Variants in SPAG17 observed in about 807,000 individuals in gnomAD.
SPAG17 encodes sperm associated antigen 17, also known as sperm-associated antigen 17.
In SPAG17, 169 loss-of-function variants were observed where a neutral mutation model predicts 273.6. That is an observed-to-expected ratio of 0.62 (90% CI 0.55 to 0.70). SPAG17 has a LOEUF of 0.70. SPAG17 is among the 30% of genes least tolerant of loss of function. The probability of loss-of-function intolerance (pLI) is 0.00; values close to 1 mark genes in which losing one functional copy is unlikely to be tolerated. For missense variants in SPAG17, 2,557 were observed against 2,627.8 expected (o/e 0.97, Z 0.59); for synonymous variants, 825 against 873.2 (o/e 0.94, Z 0.97).
At chr1:117,994,649 T>C in intron 34 of SPAG17, 119 bp from the exon 35 acceptor site, 1 of 998,094 alleles carries the variant, frequency 1.0e-6, no homozygotes, top group South Asian at 1.9e-5. Flanking sequence ...GAAAGACTAA[T>C]GAGACACAAT....
chr1:118,125,245 A>ATTTT (rs1553253449), intron 3 of SPAG17, among the ~76,000 whole-genome samples: 11 of 150,828 alleles, frequency 7.3e-5, no homozygotes, highest in African/African-American at 2.4e-4. Flanking sequence ...ATATATATAT[A>ATTTT]TTTTTGACAT....
intron 1 of SPAG17, among the ~76,000 whole-genome samples, chr1:118,161,334 T>C (rs1007712917): frequency 2.0e-5 from 3 of 152,010 alleles, no homozygotes; most frequent in South Asian, 4.1e-4. Flanking sequence ...AGACCTGTCA[T>C]AGGGTAAGGA....
intron 17 of SPAG17, among the ~76,000 whole-genome samples, 184 bp from the exon 18 acceptor site, chr1:118,067,083 T>C (rs1653057739): frequency 6.6e-6 from 1 of 152,152 alleles, no homozygotes; most frequent in South Asian, 2.1e-4. Flanking sequence ...GGTAGCTAGC[T>C]TGGGAAGCAT....
chr1:118,007,820 C>G (rs1388848223), intron 31 of SPAG17, among the ~76,000 whole-genome samples: 1 of 152,152 alleles, frequency 6.6e-6, no homozygotes, highest in Non-Finnish European at 1.5e-5. Context: ...TCCAAAACTA[C>G]CGAAGTTTTG....
At chr1:118,080,022 T>C (rs995363158) in intron 15 of SPAG17, among the ~76,000 whole-genome samples, 1 of 152,180 alleles carries the variant, frequency 6.6e-6, no homozygotes, top group Non-Finnish European at 1.5e-5. Flanking sequence ...TACATAATTA[T>C]AAAATTGAAA....
At chr1:118,174,814 T>C (rs1427820170) in intron 1 of SPAG17, among the ~76,000 whole-genome samples, 3 of 152,168 alleles carry the variant, frequency 2.0e-5, no homozygotes, top group East Asian at 3.9e-4. Flanking sequence ...GGATGATATA[T>C]TTAAAGTGCT....
chr1:118,081,689 C>T, intron 13 of SPAG17, 47 bp from the exon 14 acceptor site: 1 of 1,508,782 alleles, frequency 6.6e-7, no homozygotes, highest in Non-Finnish European at 9.2e-7. Flanking sequence ...CTTATTAGCA[C>T]ATGGTACAGG....
intron 3 of SPAG17, among the ~76,000 whole-genome samples, chr1:118,123,184 C>T (rs1268438184): frequency 2.6e-5 from 4 of 152,222 alleles, no homozygotes; most frequent in Non-Finnish European, 5.9e-5. Flanking sequence ...GTTCCCTCTG[C>T]TCCCTTCCCT....
At chr1:117,987,228 A>G (rs1252666371) in intron 40 of SPAG17, among the ~76,000 whole-genome samples, 1 of 152,146 alleles carries the variant, frequency 6.6e-6, no homozygotes, top group African/African-American at 2.4e-5. Context: ...GACCTTGTAT[A>G]GGGGAGGTGA....
intron 3 of SPAG17, among the ~76,000 whole-genome samples, chr1:118,124,766 C>G (rs1017709264): frequency 1.3e-5 from 2 of 152,154 alleles, no homozygotes; most frequent in Non-Finnish European, 2.9e-5. Flanking sequence ...GAAACTGAGG[C>G]CTGGTGATCA....
intron 1 of SPAG17, among the ~76,000 whole-genome samples, chr1:118,176,368 A>G (rs1660699058): frequency 6.6e-6 from 1 of 152,188 alleles, no homozygotes; most frequent in East Asian, 1.9e-4. Flanking sequence ...GAAAGTGAAG[A>G]GGTATTTCAT....
intron 3 of SPAG17, among the ~76,000 whole-genome samples, chr1:118,124,445 C>T (rs1030716234): frequency 2.0e-5 from 3 of 152,202 alleles, no homozygotes; most frequent in African/African-American, 7.2e-5. Context: ...AATCCCCTCA[C>T]AGAATCTGAT....
chr1:118,063,957 T>C (rs947450023), intron 18 of SPAG17, among the ~76,000 whole-genome samples: 4 of 152,142 alleles, frequency 2.6e-5, no homozygotes, highest in Non-Finnish European at 4.4e-5. Flanking sequence ...AAAGAAGACA[T>C]TTATGCAGCC....
chr1:118,176,648 C>T (rs890676921), intron 1 of SPAG17, among the ~76,000 whole-genome samples: 4 of 152,026 alleles, frequency 2.6e-5, no homozygotes, highest in Non-Finnish European at 5.9e-5. Flanking sequence ...ATAATCCAGA[C>T]CAAAAAATCA....
At chr1:118,069,991 G>A (rs925072300) in intron 17 of SPAG17, among the ~76,000 whole-genome samples, 1 of 152,202 alleles carries the variant, frequency 6.6e-6, no homozygotes, top group East Asian at 1.9e-4. Context: ...GCTTCATGGA[G>A]CAGTAAGGAC....
At chr1:118,009,248 AACAC>A (rs55873088) in intron 30 of SPAG17, among the ~76,000 whole-genome samples, 12,820 of 142,388 alleles carry the variant, frequency 0.09, 595 homozygotes, top group East Asian at 0.21. Context: ...AGGTGCTCAT[AACAC>A]ACACACACAC....
intron 20 of SPAG17, among the ~76,000 whole-genome samples, chr1:118,048,784 T>C (rs1379595876): frequency 6.6e-6 from 1 of 152,014 alleles, no homozygotes; most frequent in Non-Finnish European, 1.5e-5. Context: ...TAGTTCCAGC[T>C]ACTCGGGAGG....
chr1:117,976,735 G>A (rs910559275), intron 43 of SPAG17, among the ~76,000 whole-genome samples: 2 of 152,158 alleles, frequency 1.3e-5, no homozygotes, highest in African/African-American at 4.8e-5. Flanking sequence ...AACTGCCCTG[G>A]TTTGTACCAG....
chr1:118,136,020 G>T lies in SPAG17; in HGVS notation c.315+14523C>A, dbSNP rs573275375. ...TGGGCAAGTCACTTAACCTCTTTGAGGCTCTTTCCTCATTTTCTACATGAG... is the reference window on the plus strand; with the variant it reads ...TGGGCAAGTCACTTAACCTCTTTGATGCTCTTTCCTCATTTTCTACATGAG... On this transcript the variant is annotated intron_variant, in intron 3 of 48. Coordinates refer to ENST00000336338, the MANE Select transcript of SPAG17 (RefSeq NM_206996.4). Among the ~76,000 whole-genome samples, 4 of 152,214 alleles carry T rather than the reference G, an allele frequency of 2.6e-5. No individual in the cohort carries two copies. The South Asian group carries it at 8.3e-4, about 32-fold the overall frequency.
Sources: allele counts gnomAD v4.1 joint callset (sites outside exome capture counted in the v4.1 genomes callset), GRCh38; gene constraint gnomAD v4.1.1; transcripts MANE v1.5; gene names NCBI Gene and HGNC (gene_info 2026-07-23, HGNC 2026-07-21).